MINDY4B: variants seen among roughly 807,000 people sequenced by gnomAD.
The protein encoded by MINDY4B is MINDY family member 4B.
MINDY4B carries 25 observed loss-of-function variants against 16.7 expected under a neutral mutation model. The observed-to-expected ratio is 1.49, with a 90% CI of 1.09 to 2.09. The LOEUF (loss-of-function observed/expected upper bound fraction) is 2.09, where lower values mean the gene tolerates loss of function less well. MINDY4B is among the 30% of genes most tolerant of loss of function. MINDY4B has a pLI of 0.00. For synonymous variants in MINDY4B, 132 were observed against 61.9 expected, an observed-to-expected ratio of 2.13 and a Z score of -5.32; for missense variants, 327 against 168.4, an observed-to-expected ratio of 1.94 and a Z score of -5.21.
chr3:150,875,624 A>G (rs758961301), intron 10 of MINDY4B, among the ~76,000 whole-genome samples: 1 of 152,196 alleles, frequency 6.6e-6, no homozygotes, highest in Non-Finnish European at 1.5e-5. Context: ...CTGAGCTCAA[A>G]GCTACTCAAG....
intron 3 of MINDY4B, among the ~76,000 whole-genome samples, chr3:150,899,845 G>C (rs894710844): frequency 6.6e-6 from 1 of 152,132 alleles, no homozygotes; most frequent in South Asian, 2.1e-4. Context: ...AGACCTTATG[G>C]GGGGACACCC....
chr3:150,889,964 C>A (rs1243438350), intron 7 of MINDY4B, among the ~76,000 whole-genome samples: 5 of 152,176 alleles, frequency 3.3e-5, no homozygotes, highest in African/African-American at 1.2e-4. Flanking sequence ...GCAGCTTAGA[C>A]AAGAACCTTA....
At chr3:150,883,153 T>G (rs1010686439) in intron 9 of MINDY4B, 95 bp from the exon 10 acceptor site, 2 of 576,566 alleles carry the variant, frequency 3.5e-6, no homozygotes, top group African/African-American at 3.8e-5. Context: ...TTATTTTTAG[T>G]GAAAAGAATG....
Position 150,886,752 on chromosome 3 carries a change from C to G in MINDY4B, c.754-1314G>C, listed in dbSNP as rs139630372. On this transcript the variant is annotated intron_variant, in intron 7 of 11. Coordinates refer to ENST00000465419, the MANE Select transcript of MINDY4B (RefSeq NM_001351281.2). ...CCTCCTCCCTCTGCTTCCCTGGTCA[C>G]ATTTCTCTGACTCTCCTGCCTCCCG... Among the ~76,000 whole-genome samples, 623 of 152,290 alleles carry G rather than the reference C, an allele frequency of 4.1e-3. 1 individual carries two copies. The highest frequency in any genetic ancestry group is 7.0e-3 in the Non-Finnish European group (473 of 68,036).
Position 150,905,157 on chromosome 3 carries a change from C to T in MINDY4B, c.114-68G>A, listed in dbSNP as rs986837850. The stretch of plus-strand genomic sequence containing the variant: ...TTCAAACCTCACATCCACAAACCTC[C>T]CAAACCCCAACCTTGCTAGGGAAGT... On this transcript the variant is annotated intron_variant, in intron 1 of 11. Coordinates refer to ENST00000465419, the MANE Select transcript of MINDY4B (RefSeq NM_001351281.2). 25 of 398,346 alleles carry T rather than the reference C, an allele frequency of 6.3e-5. No individual in the cohort carries two copies. In the South Asian group the frequency reaches 7.6e-4, roughly 12 times the overall value. The allele number at this position is 398,346 out of a possible 1,614,324, so 24.7% of individuals were successfully genotyped here.
At position 150,882,904 on chromosome 3, in the gene MINDY4B, A is replaced by C; in HGVS notation, c.1052T>G (p.Leu351Arg). The stretch of plus-strand genomic sequence containing the variant: ...GGACTGGAACACACTCACCTGTGAG[A>C]GTCTGTCATCTTCCGAGGCATCCTT... Reference protein sequence around the residue: ...WGKDASEDDRLSQVGSMLKTP... With the variant: ...WGKDASEDDRRSQVGSMLKTP... Residue 351 changes from leucine (L) to arginine (R), a missense_variant, in exon 10 of 12, where the codon CTC becomes CGC. By Grantham distance (102) the Leu-to-Arg change is moderately radical. Transcript: ENST00000465419. 1 of 701,618 alleles carries C rather than the reference A, an allele frequency of 1.4e-6. No homozygotes were observed. The allele number at this position is 701,618 out of a possible 1,614,324, so 43.5% of individuals were successfully genotyped here. A position where few individuals can be genotyped will look rare whatever the true frequency, so the allele number is the denominator to read the frequency against.
chr3:150,895,109 T>G (rs1711927249), intron 3 of MINDY4B, among the ~76,000 whole-genome samples: 1 of 152,200 alleles, frequency 6.6e-6, no homozygotes, highest in Non-Finnish European at 1.5e-5. Flanking sequence ...GATAAGTGCT[T>G]CCCATTTATT....
intron 11 of MINDY4B, among the ~76,000 whole-genome samples, chr3:150,871,597 C>T (rs1372227804): frequency 6.6e-6 from 1 of 151,566 alleles, no homozygotes; most frequent in Non-Finnish European, 1.5e-5. Flanking sequence ...GCCTATGGTC[C>T]CAGTACTTTG....
chr3:150,886,858 C>T (rs1711634094), intron 7 of MINDY4B, among the ~76,000 whole-genome samples: 1 of 152,182 alleles, frequency 6.6e-6, no homozygotes, highest in Admixed American at 6.5e-5. Flanking sequence ...CTCTCAAGAT[C>T]TTTAACTTGA....
Position 150,882,945 on chromosome 3 carries a change from G to A in MINDY4B, c.1011C>T (p.Gly337=). The stretch of plus-strand genomic sequence containing the variant: ...AGGCATCCTTACCCCACTGCAAATA[G>A]CCAACATCACTGCGGGTCAGGACTC... ...LHGVLTRSDV[G]YLQWGKDASE... is the part of the protein sequence containing the mutation. Residue 337 remains glycine (G), a synonymous_variant, in exon 10 of 12, where the codon GGC becomes GGT. Coordinates refer to ENST00000465419, the MANE Select transcript of MINDY4B (RefSeq NM_001351281.2). The A allele has an allele frequency of 1.4e-6, 1 of 702,850 alleles. No individual in the cohort carries two copies. Among genetic ancestry groups the A allele is most frequent in the South Asian group, 1.5e-5 (1 of 67,582 alleles). 43.5% of individuals were successfully genotyped at this position (702,850 alleles called of 1,614,324 possible).
intron 7 of MINDY4B, among the ~76,000 whole-genome samples, chr3:150,889,947 C>T (rs543135650): frequency 6.6e-6 from 1 of 152,286 alleles, no homozygotes; most frequent in African/African-American, 2.4e-5. Context: ...TGTGAATGGT[C>T]ATTTTGGCAG....
chr3:150,872,221 G>A (rs772989402), intron 11 of MINDY4B, among the ~76,000 whole-genome samples: 4 of 152,168 alleles, frequency 2.6e-5, no homozygotes, highest in Non-Finnish European at 5.9e-5. Context: ...GGAAGTTGAG[G>A]TAGAAACAAC....
chr3:150,887,982 C>T lies in MINDY4B; in HGVS notation c.753+2338G>A, dbSNP rs1188592912. On this transcript the variant is annotated intron_variant, in intron 7 of 11. Coordinates refer to ENST00000465419, the MANE Select transcript of MINDY4B (RefSeq NM_001351281.2). ...AATTAGCCAGGCGTGGTGGCGGGCG[C>T]CTGTAGTCCCAGCTACTCGGAGGCT... Among the ~76,000 whole-genome samples, 5 of 151,676 alleles carry T rather than the reference C, an allele frequency of 3.3e-5. No individual in the cohort carries two copies. In the East Asian group the frequency reaches 7.7e-4, roughly 23 times the overall value.
In MINDY4B at chr3:150,882,958, C is replaced by A; in HGVS notation, c.998G>T (p.Arg333Leu). The A allele has an allele frequency of 2.8e-6, 2 of 702,796 alleles. No individual in the cohort carries two copies. Among genetic ancestry groups the A allele is most frequent in the East Asian group, 2.7e-5 (1 of 37,274 alleles). 43.5% of individuals were successfully genotyped at this position (702,796 alleles called of 1,614,324 possible). ...SQETLHGVLT[R>L]SDVGYLQWGK... is the part of the protein sequence containing the mutation. ...CCACTGCAAATAGCCAACATCACTG[C>A]GGGTCAGGACTCCATGTAGTGTTTC... is the stretch of plus-strand genomic sequence containing the variant. Residue 333 changes from arginine to leucine, a missense_variant, in exon 10 of 12, where the codon CGC (arginine) becomes CTC (leucine). Coordinates refer to ENST00000465419, the MANE Select transcript of MINDY4B (RefSeq NM_001351281.2).
chr3:150,872,540 C>T (rs537483393), intron 11 of MINDY4B, among the ~76,000 whole-genome samples: 4 of 152,260 alleles, frequency 2.6e-5, no homozygotes, highest in Admixed American at 1.3e-4. Flanking sequence ...AGTTTATGAC[C>T]GAAATGATCT....
At chr3:150,878,454 T>C (rs1199954993) in intron 10 of MINDY4B, among the ~76,000 whole-genome samples, 1 of 152,294 alleles carries the variant, frequency 6.6e-6, no homozygotes, top group East Asian at 1.9e-4. Context: ...TTCAAATGCA[T>C]GACAGAGACA....
At chr3:150,882,271 A>G (rs1168539942) in intron 10 of MINDY4B, among the ~76,000 whole-genome samples, 1 of 152,106 alleles carries the variant, frequency 6.6e-6, no homozygotes, top group South Asian at 2.1e-4. Context: ...GCAGAATCAC[A>G]TCTTACTTAA....
At chr3:150,896,991 G>T (rs543932682) in intron 3 of MINDY4B, among the ~76,000 whole-genome samples, 2 of 152,316 alleles carry the variant, frequency 1.3e-5, no homozygotes, top group African/African-American at 4.8e-5. Flanking sequence ...CTCTGACTGG[G>T]CCTTAAAAGG....
At chr3:150,880,305 CTGTGTG>C (rs60659488) in intron 10 of MINDY4B, among the ~76,000 whole-genome samples, 77,755 of 149,802 alleles carry the variant, frequency 0.52, 21,273 homozygotes, top group Middle Eastern at 0.63. Flanking sequence ...AGGTTCCCAT[CTGTGTG>C]TGTGTGTGTG....
Sources: allele counts gnomAD v4.1 joint callset (sites outside exome capture counted in the v4.1 genomes callset), GRCh38; gene constraint gnomAD v4.1.1; transcripts MANE v1.5; gene names NCBI Gene and HGNC (gene_info 2026-07-23, HGNC 2026-07-21).